Variants in CRTAC1 observed in about 807,000 individuals in gnomAD.
CRTAC1 encodes cartilage acidic protein 1, also known as acidic secreted protein in cartilage.
A neutral mutation model predicts 67.8 loss-of-function variants in CRTAC1; 37 were observed. That is an observed-to-expected ratio of 0.55 (90% confidence interval 0.42 to 0.72). The LOEUF is 0.72. CRTAC1 is among the 30% of genes least tolerant of loss of function. The pLI is 0.00. For synonymous variants in CRTAC1, 348 were observed against 371.0 expected (o/e 0.94, Z 0.71); for missense variants, 780 against 931.6 (o/e 0.84, Z 2.12).
intron 2 of CRTAC1, among the ~76,000 whole-genome samples, chr10:97,974,177 A>T (rs2051760328): frequency 6.6e-6 from 1 of 152,052 alleles, no homozygotes; most frequent in Non-Finnish European, 1.5e-5. Context: ...TTAAGTCACA[A>T]CTCAGCCTGT....
intron 14 of CRTAC1, chr10:97,878,667 G>C: frequency 7.7e-7 from 1 of 1,303,912 alleles, no homozygotes; most frequent in Non-Finnish European, 1.0e-6. Flanking sequence ...GGAGATTGCA[G>C]AGACCAAGTA....
chr10:97,900,805 C>T (rs532917771), intron 8 of CRTAC1, among the ~76,000 whole-genome samples: 1 of 108,240 alleles, frequency 9.2e-6, no homozygotes, highest in African/African-American at 4.3e-5. Context: ...CCCGTAGCCC[C>T]TTTTCCTGGT....
At position 97,926,836 on chromosome 10, in the gene CRTAC1, G is replaced by T. The variant is rs138504234; in HGVS notation, c.422-3436C>A. ...CATCATGGCTGTCCTGGAGGCAGTG[G>T]CAGGCTTGCTATTGCTTCCAGATGC... is the stretch of plus-strand genomic sequence containing the variant. On this transcript the variant is annotated intron_variant, in intron 3 of 14. Coordinates refer to ENST00000370597, the MANE Select transcript of CRTAC1 (RefSeq NM_018058.7). Among the ~76,000 whole-genome samples, 156 of 152,306 alleles carry T rather than the reference G, an allele frequency of 1.0e-3. 3 individuals are homozygous for T. Among genetic ancestry groups the T allele is most frequent in the African/African-American group, 3.4e-3 (143 of 41,570 alleles).
chr10:97,891,721 C>G (rs377750616), intron 11 of CRTAC1, among the ~76,000 whole-genome samples: 8 of 152,226 alleles, frequency 5.3e-5, no homozygotes, highest in Non-Finnish European at 1.0e-4. Context: ...CTCCATCTGG[C>G]CTTCTCCACT....
intron 1 of CRTAC1, among the ~76,000 whole-genome samples, chr10:98,013,752 C>G (rs1842950492): frequency 1.3e-5 from 2 of 152,208 alleles, no homozygotes; most frequent in South Asian, 4.1e-4. Context: ...TCAGGCCAAC[C>G]CATGTGGTTT....
intron 11 of CRTAC1, among the ~76,000 whole-genome samples, chr10:97,886,524 G>C (rs1417500101): frequency 3.3e-5 from 5 of 152,192 alleles, no homozygotes; most frequent in African/African-American, 9.7e-5. Context: ...TTACCGTTCT[G>C]GGTTTTGCTT....
chr10:97,987,088 T>C (rs2051994851), intron 2 of CRTAC1, among the ~76,000 whole-genome samples: 1 of 152,218 alleles, frequency 6.6e-6, no homozygotes, highest in South Asian at 2.1e-4. Flanking sequence ...GCCAAAATCA[T>C]TCATATCATT....
intron 2 of CRTAC1, among the ~76,000 whole-genome samples, chr10:97,998,425 G>C (rs552484427): frequency 2.6e-5 from 4 of 152,198 alleles, no homozygotes; most frequent in Non-Finnish European, 2.9e-5. Flanking sequence ...ATGAAAGAGA[G>C]AGACAAGAGA....
At chr10:97,999,883 C>T (rs1596192) in intron 2 of CRTAC1, among the ~76,000 whole-genome samples, 16,500 of 152,188 alleles carry the variant, frequency 0.11, 1,121 homozygotes, top group South Asian at 0.15. Flanking sequence ...CTGCTGAGAG[C>T]GGCAGAGATG....
intron 14 of CRTAC1, 69 bp from the exon 15 acceptor site, chr10:97,865,783 G>A (rs552576574): frequency 1.4e-5 from 20 of 1,461,810 alleles, no homozygotes; most frequent in South Asian, 9.5e-5. Flanking sequence ...CAGAGCACCC[G>A]CTTCTGAGTC....
chr10:97,929,983 T>C (rs2050979370), intron 3 of CRTAC1, among the ~76,000 whole-genome samples: 3 of 152,192 alleles, frequency 2.0e-5, no homozygotes, highest in African/African-American at 7.2e-5. Context: ...GGGTCCCTGA[T>C]GTAAATGCTG....
At chr10:97,884,694 C>A (rs555124335) in intron 11 of CRTAC1, 2 of 225,508 alleles carry the variant, frequency 8.9e-6, no homozygotes, top group African/African-American at 2.4e-5. Flanking sequence ...AATTTAATGG[C>A]CACACATGGC....
chr10:98,004,324 G>C (rs1842744404), intron 2 of CRTAC1, among the ~76,000 whole-genome samples: 1 of 152,236 alleles, frequency 6.6e-6, no homozygotes, highest in African/African-American at 2.4e-5. Flanking sequence ...TTCCTTTGCA[G>C]ATGTAGAAGA....
At chr10:97,922,815 C>T (rs1226023936) in intron 4 of CRTAC1, among the ~76,000 whole-genome samples, 2 of 152,200 alleles carry the variant, frequency 1.3e-5, no homozygotes, top group South Asian at 2.1e-4. Flanking sequence ...TCCATTGTGC[C>T]TTCATTTATT....
intron 2 of CRTAC1, among the ~76,000 whole-genome samples, chr10:97,957,166 T>A (rs777012101): frequency 9.2e-5 from 14 of 152,146 alleles, no homozygotes; most frequent in Admixed American, 2.0e-4. Context: ...GAGTGGGCGA[T>A]GCTTTAAAAA....
At chr10:97,879,865 TG>T (rs2050189982) in intron 14 of CRTAC1, 4 of 226,630 alleles carry the variant, frequency 1.8e-5, no homozygotes, top group South Asian at 7.6e-5. Flanking sequence ...GGGGACGGGG[TG>T]GGGGTGGAGG....
intron 14 of CRTAC1, chr10:97,878,585 T>C: frequency 7.7e-7 from 1 of 1,299,292 alleles, no homozygotes; most frequent in South Asian, 1.3e-5. Context: ...CTGAGGCTGG[T>C]CGTGAGCATA....
rs551710609 is a variant in CRTAC1, at chr10:97,925,326, CATGAGA to C, written c.422-1932_422-1927del. Among the ~76,000 whole-genome samples the C allele has an allele frequency of 2.2e-3, 337 of 152,066 alleles. 1 individual carries two copies. Among genetic ancestry groups the C allele is most frequent in the African/African-American group, 8.0e-3 (330 of 41,482 alleles). On this transcript the variant is annotated intron_variant, in intron 3 of 14. Coordinates refer to ENST00000370597, the MANE Select transcript of CRTAC1 (RefSeq NM_018058.7). ...GCAAGTGCGTGAGAAAAAGTGTAAG[CATGAGA>C]ATGAGTGGTAGGTGTGAGAGTGAGA...
At chr10:97,982,366 A>G (rs1036181393) in intron 2 of CRTAC1, among the ~76,000 whole-genome samples, 5 of 152,206 alleles carry the variant, frequency 3.3e-5, no homozygotes, top group African/African-American at 1.2e-4. Context: ...TTCTGCGGAA[A>G]GTTATGTCCC....
Sources: gnomAD v4.1 joint callset for allele counts (sites outside exome capture counted in the v4.1 genomes callset) on GRCh38, gnomAD v4.1.1 for gene constraint, MANE v1.5 for transcripts, NCBI Gene and HGNC (gene_info 2026-07-23, HGNC 2026-07-21) for gene names.